The following GGNBP2 variants were observed in gnomAD, a reference collection of about 807,000 sequenced individuals.
The protein encoded by GGNBP2 is gametogenetin binding protein 2.
GGNBP2 carries 10 observed loss-of-function variants against 85.9 expected under a neutral mutation model. The ratio of observed to expected loss-of-function variants is 0.12; its 90% confidence interval spans 0.07 to 0.20. The LOEUF (loss-of-function observed/expected upper bound fraction) is 0.20. Ranked by LOEUF, GGNBP2 falls within the 10% of genes least tolerant of loss-of-function variation. The pLI is 1.00. For missense variants in GGNBP2, 595 were observed against 857.8 expected, an observed-to-expected ratio of 0.69 and a Z score of 3.83; for synonymous variants, 287 against 285.7, an observed-to-expected ratio of 1.00 and a Z score of -0.05.
intron 4 of GGNBP2, among the ~76,000 whole-genome samples, chr17:36,559,088 TCAGGAGTCTGAAAC>T (rs370535575): frequency 2.7e-3 from 413 of 151,600 alleles, no homozygotes; most frequent in African/African-American, 9.5e-3. Context: ...TCACCAGAGG[TCAGGAGTCTGAAAC>T]CAGCTTGGCC....
At position 36,574,568 on chromosome 17, in the gene GGNBP2, T is replaced by A. The variant is rs950326861; in HGVS notation, c.642-3415T>A. 6.0e-6 allele frequency: 3 copies of A among 502,284 alleles called. No homozygotes were observed. The African/African-American group carries it at 6.0e-5, about 10-fold the overall frequency. The allele number at this position is 502,284 out of a possible 1,614,324, so 31.1% of individuals were successfully genotyped here. On this transcript the variant is annotated intron_variant, in intron 6 of 13. Transcript: ENST00000613102. ...ACAGGAAGACTTGATGAATACAGTC[T>A]CCTTCCAGAGGTCGGGGGTCAGGTA...
chr17:36,578,259 A>G, intron 7 of GGNBP2, 73 bp downstream of exon 7: 1 of 1,135,576 alleles, frequency 8.8e-7, no homozygotes, highest in Non-Finnish European at 1.3e-6. Flanking sequence ...GTTTATTTTC[A>G]TCACCTTCTG....
intron 6 of GGNBP2, among the ~76,000 whole-genome samples, chr17:36,575,642 ATATATAT>A (rs1373394068): frequency 3.5e-4 from 18 of 51,614 alleles, no homozygotes; most frequent in East Asian, 7.0e-4. Flanking sequence ...ATATATATAT[ATATATAT>A]TTTTTTTTTT....
intron 12 of GGNBP2, 138 bp downstream of exon 12, chr17:36,586,336 T>TGTGGGTTGCA (rs1182659079): frequency 9.4e-7 from 1 of 1,068,312 alleles, no homozygotes; most frequent in African/African-American, 1.6e-5. Flanking sequence ...TTCCATTGGG[T>TGTGGGTTGCA]GCTCATCGTG....
intron 6 of GGNBP2, chr17:36,576,885 T>C (rs961412231): frequency 1.3e-5 from 2 of 151,946 alleles, no homozygotes; most frequent in South Asian, 2.1e-4. Context: ...AGAAGGCACA[T>C]AGGAATAGAA....
chr17:36,545,733 A>T lies in GGNBP2; in HGVS notation c.9A>T (p.Arg3=). Residue 3 remains arginine, a synonymous_variant, in exon 2 of 14, where the codon CGA becomes CGT. Transcript: ENST00000613102. ...CGGCAGCGTCGGGGACGATGGCGCGACTCGTGGCAGTGTGCAGGGACGGGG... is the reference window on the plus strand; with the variant it reads ...CGGCAGCGTCGGGGACGATGGCGCGTCTCGTGGCAGTGTGCAGGGACGGGG... MA[R]LVAVCRDGEE... 4 of 1,570,596 alleles carry T rather than the reference A, an allele frequency of 2.5e-6. No homozygotes were observed. Among genetic ancestry groups the T allele is most frequent in the Non-Finnish European group, 3.5e-6 (4 of 1,158,772 alleles).
In GGNBP2 at chr17:36,586,068, A is replaced by C; in HGVS notation, c.1511A>C (p.His504Pro). 6.2e-7 allele frequency: 1 copy of C among 1,614,206 alleles called. No homozygotes were observed. Among genetic ancestry groups the C allele is most frequent in the Non-Finnish European group, 8.5e-7 (1 of 1,180,022 alleles). Residue 504 changes from histidine (H) to proline (P), a missense_variant, in exon 12 of 14, where the codon CAT becomes CCT. By Grantham distance (77) the His-to-Pro change is moderately conservative (BLOSUM62 -2). Transcript: ENST00000613102. ...HDEHGDDSCV[H>P]HCEDKEDDGD... Reference sequence around the variant, plus strand: ...TCTGCAGGTGATGACTCTTGTGTTCATCACTGTGAAGACAAAGAGGATGAT... The same window carrying C: ...TCTGCAGGTGATGACTCTTGTGTTCCTCACTGTGAAGACAAAGAGGATGAT...
At chr17:36,584,170 G>A (rs190503866) in intron 9 of GGNBP2, among the ~76,000 whole-genome samples, 56 of 152,318 alleles carry the variant, frequency 3.7e-4, no homozygotes, top group Admixed American at 9.2e-4. Context: ...TCATTTTTGA[G>A]AAAATGCCTG....
intron 6 of GGNBP2, among the ~76,000 whole-genome samples, chr17:36,569,041 C>T (rs1417802595): frequency 2.0e-5 from 3 of 152,100 alleles, no homozygotes; most frequent in Admixed American, 6.6e-5. Flanking sequence ...GTGTGAGCCA[C>T]CGTGCCTGGC....
intron 8 of GGNBP2, 48 bp downstream of exon 8, chr17:36,579,467 A>G (rs770607615): frequency 3.3e-6 from 5 of 1,518,602 alleles, no homozygotes; most frequent in Non-Finnish European, 4.6e-6. Context: ...TAGTCACGTT[A>G]TTGGACTGAA....
At chr17:36,567,152 C>T (rs1007422558) in intron 5 of GGNBP2, among the ~76,000 whole-genome samples, 17 of 151,896 alleles carry the variant, frequency 1.1e-4, no homozygotes, top group African/African-American at 4.1e-4. Context: ...TAGAACATTC[C>T]AACTATATTT....
At chr17:36,567,903 C>T (rs1443194984) in intron 6 of GGNBP2, 127 bp downstream of exon 6, 7 of 502,066 alleles carry the variant, frequency 1.4e-5, no homozygotes, top group Non-Finnish European at 2.5e-5. Flanking sequence ...TGGCACTAGG[C>T]GGAGCTTAAT....
At chr17:36,553,650 G>A (rs2074332440) in intron 2 of GGNBP2, among the ~76,000 whole-genome samples, 2 of 152,114 alleles carry the variant, frequency 1.3e-5, no homozygotes, top group Admixed American at 6.5e-5. Context: ...TTGTTATGTG[G>A]CAATGTGGAA....
intron 13 of GGNBP2, 96 bp downstream of exon 13, chr17:36,587,341 A>G (rs768299652): frequency 8.6e-5 from 109 of 1,270,708 alleles, no homozygotes; most frequent in Non-Finnish European, 1.2e-4. Context: ...AGGTAGTTGA[A>G]GGAAGCTTAT....
At position 36,556,681 on chromosome 17, in the gene GGNBP2, C is replaced by T. The variant is rs373320467; in HGVS notation, c.175-402C>T. 3.4e-5 allele frequency among the ~76,000 whole-genome samples: 5 copies of T among 145,636 alleles called. 1 individual carries two copies. The highest frequency in any genetic ancestry group is 4.3e-4 in the South Asian group (2 of 4,680). On this transcript the variant is annotated intron_variant, in intron 3 of 13. Transcript: ENST00000613102. ...ATTGTGCTACTGCACTCCAGCCTGG[C>T]GAGAGAGCAAGATGCCGTCTCAAAA...
chr17:36,565,819 C>T (rs1277459285), intron 5 of GGNBP2, among the ~76,000 whole-genome samples: 1 of 152,108 alleles, frequency 6.6e-6, no homozygotes, highest in Non-Finnish European at 1.5e-5. Flanking sequence ...TCGCTTGAAC[C>T]TGGGAGGCGG....
intron 6 of GGNBP2, among the ~76,000 whole-genome samples, chr17:36,572,065 T>A (rs925674239): frequency 1.3e-5 from 2 of 151,658 alleles, no homozygotes; most frequent in Non-Finnish European, 2.9e-5. Flanking sequence ...AAAAAAAGTT[T>A]TAAAAAAGTC....
At chr17:36,556,986 T>A in intron 3 of GGNBP2, 97 bp from the exon 4 acceptor site, 1 of 1,434,802 alleles carries the variant, frequency 7.0e-7, no homozygotes, top group Middle Eastern at 1.8e-4. Flanking sequence ...CCTGGCCAGG[T>A]TGTACTTTAC....
In GGNBP2 at chr17:36,581,507, C is replaced by T. The variant is rs1467114388; in HGVS notation, c.1184C>T (p.Thr395Ile). ...TGTGATATTCCTACTCCCTTACAAA[C>T]AGCAGATGAAAAGGAAGTAAGCCAA... ...CVCDIPTPLQ[T>I]ADEKEVSQEK... The change falls in exon 9 of 14, where the codon ACA becomes ATA. Residue 395 changes from threonine to isoleucine, a missense_variant. Physicochemically the swap from Thr to Ile is moderately conservative, Grantham distance 89. Transcript: ENST00000613102. 1 of 1,609,708 alleles carries T rather than the reference C, an allele frequency of 6.2e-7. No individual in the cohort carries two copies. Among genetic ancestry groups the T allele is most frequent in the South Asian group, 1.1e-5 (1 of 90,314 alleles).
Sources: allele counts gnomAD v4.1 joint callset (sites outside exome capture counted in the v4.1 genomes callset), GRCh38; gene constraint gnomAD v4.1.1; transcripts MANE v1.5; gene names NCBI Gene and HGNC (gene_info 2026-07-23, HGNC 2026-07-21).